OPCML: variants seen among roughly 807,000 people sequenced by gnomAD.
OPCML encodes the protein opioid binding protein/cell adhesion molecule like.
A neutral mutation model predicts 37.8 loss-of-function variants in OPCML; 13 were observed. That is an observed-to-expected ratio of 0.34 (90% CI 0.22 to 0.55). The LOEUF is 0.55. OPCML is among the 20% of genes least tolerant of loss of function. OPCML has a pLI of 0.91. For synonymous variants in OPCML, 176 were observed against 168.8 expected, an observed-to-expected ratio of 1.04 and a Z score of -0.33; for missense variants, 341 against 435.6, an observed-to-expected ratio of 0.78 and a Z score of 1.93.
chr11:132,421,257 GC>G (rs1174244197), intron 7 of OPCML, among the ~76,000 whole-genome samples: 7 of 152,152 alleles, frequency 4.6e-5, no homozygotes, highest in African/African-American at 1.4e-4. Context: ...CCCAGAAAAA[GC>G]AAAATCTATT....
chr11:132,770,926 C>T (rs931827691), intron 2 of OPCML, among the ~76,000 whole-genome samples: 1 of 152,146 alleles, frequency 6.6e-6, no homozygotes, highest in Non-Finnish European at 1.5e-5. Flanking sequence ...CTTGATAGAC[C>T]ATATGGTCTG....
chr11:132,917,442 T>A (rs1031857819), intron 2 of OPCML, among the ~76,000 whole-genome samples: 15 of 152,200 alleles, frequency 9.9e-5, no homozygotes, highest in Non-Finnish European at 1.8e-4. Flanking sequence ...TCAGCCTGAC[T>A]TGCTACTTCC....
At chr11:133,108,938 T>G (rs1328386407) in intron 1 of OPCML, among the ~76,000 whole-genome samples, 1 of 152,140 alleles carries the variant, frequency 6.6e-6, no homozygotes, top group Non-Finnish European at 1.5e-5. Context: ...TCAGGGCCCT[T>G]TGCAGGCCTC....
At chr11:132,900,794 A>C (rs1236347092) in intron 2 of OPCML, among the ~76,000 whole-genome samples, 1 of 152,084 alleles carries the variant, frequency 6.6e-6, no homozygotes, top group Non-Finnish European at 1.5e-5. Flanking sequence ...ATTTTTAACT[A>C]GTCCAAATCT....
chr11:132,797,286 G>A (rs1429495986), intron 2 of OPCML, among the ~76,000 whole-genome samples: 1 of 152,164 alleles, frequency 6.6e-6, no homozygotes, highest in Non-Finnish European at 1.5e-5. Context: ...TTGGTGTATG[G>A]TGTAAGAAAA....
At chr11:132,748,828 C>T (rs1945734665) in intron 2 of OPCML, among the ~76,000 whole-genome samples, 1 of 152,176 alleles carries the variant, frequency 6.6e-6, no homozygotes, top group African/African-American at 2.4e-5. Context: ...GAGGTGAGCA[C>T]AGCTTCAGGA....
chr11:132,843,584 C>T (rs1941392630), intron 2 of OPCML, among the ~76,000 whole-genome samples: 1 of 149,018 alleles, frequency 6.7e-6, no homozygotes, highest in African/African-American at 2.5e-5. Context: ...CATCTGTATC[C>T]TTGGCATCTG....
intron 2 of OPCML, among the ~76,000 whole-genome samples, chr11:132,700,864 A>G (rs1369858296): frequency 6.6e-6 from 1 of 152,158 alleles, no homozygotes; most frequent in Non-Finnish European, 1.5e-5. Context: ...TGATCTATCT[A>G]TCGTTGAAAA....
At chr11:132,769,731 C>T (rs1946575113) in intron 2 of OPCML, among the ~76,000 whole-genome samples, 1 of 152,146 alleles carries the variant, frequency 6.6e-6, no homozygotes, top group African/African-American at 2.4e-5. Flanking sequence ...AAGCTGACTT[C>T]GATGCTTAAA....
chr11:132,892,779 A>G (rs1943701985), intron 2 of OPCML, among the ~76,000 whole-genome samples: 1 of 152,102 alleles, frequency 6.6e-6, no homozygotes, highest in Non-Finnish European at 1.5e-5. Flanking sequence ...AAAGTAAAGT[A>G]TTCTTTCCAA....
intron 1 of OPCML, among the ~76,000 whole-genome samples, chr11:133,186,664 A>G (rs1938091258): frequency 6.6e-6 from 1 of 152,168 alleles, no homozygotes; most frequent in Non-Finnish European, 1.5e-5. Flanking sequence ...TAGGACATGT[A>G]TATTATGCAC....
intron 2 of OPCML, among the ~76,000 whole-genome samples, chr11:132,684,871 G>T (rs554930655): frequency 1.1e-4 from 17 of 152,206 alleles, no homozygotes; most frequent in African/African-American, 4.1e-4. Context: ...TTTCCTATTT[G>T]TCTTAAAGCT....
In OPCML at chr11:133,082,371, TC is replaced by T. The variant is rs1353625214; in HGVS notation, c.62-139362del. Among the ~76,000 whole-genome samples the T allele has an allele frequency of 6.7e-3, 455 of 67,782 alleles. 3 individuals carry two copies. Among genetic ancestry groups the T allele is most frequent in the African/African-American group, 0.026 (443 of 17,178 alleles). The allele number at this position is 67,782 out of a possible 152,430, so 44.5% of individuals were successfully genotyped here. A position where few individuals can be genotyped will look rare whatever the true frequency, so the allele number is the denominator to read the frequency against. On this transcript the variant is annotated intron_variant, in intron 1 of 7. Transcript: ENST00000524381. ...GCAGAGGACCCGCTGCGCCGTCCCC[TC>T]CCCACCCTCCCCTCTTCCCCTCCCC...
chr11:133,301,186 A>T (rs1331340462), intron 1 of OPCML: 1 of 152,172 alleles, frequency 6.6e-6, no homozygotes, highest in East Asian at 1.9e-4. Context: ...GTGATAAACT[A>T]TATAGTCACC....
intron 1 of OPCML, among the ~76,000 whole-genome samples, chr11:133,427,717 G>GT (rs1033921623): frequency 6.6e-5 from 10 of 151,762 alleles, no homozygotes; most frequent in Admixed American, 3.3e-4. Context: ...AAACTATCAA[G>GT]TTTTTTTTAA....
chr11:133,055,420 A>G lies in OPCML; in HGVS notation c.62-112410T>C, dbSNP rs1190108216. Among the ~76,000 whole-genome samples, 7 of 147,804 alleles carry G rather than the reference A, an allele frequency of 4.7e-5. 1 individual carries two copies. Among genetic ancestry groups the G allele is most frequent in the African/African-American group, 1.8e-4 (7 of 39,560 alleles). ...CATGAGGGAGACGCCTCTACCGTATAATGCTGCCTCTATGATACTTCCAAG... is the reference window on the plus strand; with the variant it reads ...CATGAGGGAGACGCCTCTACCGTATGATGCTGCCTCTATGATACTTCCAAG... On this transcript the variant is annotated intron_variant, in intron 1 of 7. Coordinates refer to ENST00000524381, the MANE Select transcript of OPCML (RefSeq NM_001012393.5).
intron 1 of OPCML, among the ~76,000 whole-genome samples, chr11:133,518,037 A>G (rs1948319627): frequency 6.6e-6 from 1 of 152,176 alleles, no homozygotes; most frequent in African/African-American, 2.4e-5. Context: ...CTCATATTAC[A>G]GAGAGACAGC....
chr11:132,786,798 C>T (rs1025741669), intron 2 of OPCML, among the ~76,000 whole-genome samples: 2 of 152,154 alleles, frequency 1.3e-5, no homozygotes, highest in Admixed American at 1.3e-4. Context: ...TATTGCTTAT[C>T]TTTCTTCAAA....
chr11:133,223,644 T>G (rs1304776656), intron 1 of OPCML, among the ~76,000 whole-genome samples: 1 of 152,194 alleles, frequency 6.6e-6, no homozygotes. Context: ...TTCTGAAACC[T>G]TCAGGGTATG....
Sources: allele counts gnomAD v4.1 joint callset (sites outside exome capture counted in the v4.1 genomes callset), GRCh38; gene constraint gnomAD v4.1.1; transcripts MANE v1.5; gene names NCBI Gene and HGNC (gene_info 2026-07-23, HGNC 2026-07-21).